The following PROSER3 variants were observed in gnomAD, a reference collection of about 807,000 sequenced individuals.
The protein encoded by PROSER3 is proline and serine-rich protein 3.
PROSER3 carries 33 observed loss-of-function variants against 50.2 expected under a neutral mutation model. That is an observed-to-expected ratio of 0.66 (90% CI 0.50 to 0.88). PROSER3 has a LOEUF of 0.88. PROSER3 is among the 40% of genes least tolerant of loss of function. The pLI is 0.00. For missense variants in PROSER3, 623 were observed against 612.7 expected, an observed-to-expected ratio of 1.02 and a Z score of -0.18; for synonymous variants, 266 against 259.3, an observed-to-expected ratio of 1.03 and a Z score of -0.25.
intron 3 of PROSER3, 60 bp downstream of exon 3, chr19:35,760,051 T>C: frequency 3.5e-6 from 5 of 1,421,048 alleles, no homozygotes; most frequent in Non-Finnish European, 3.8e-6. Flanking sequence ...GGAGAAGGCA[T>C]GCAGTAATAA....
intron 7 of PROSER3, 33 bp from the exon 8 acceptor site, chr19:35,766,735 G>T: frequency 6.6e-7 from 1 of 1,503,834 alleles, no homozygotes; most frequent in Non-Finnish European, 9.0e-7. Flanking sequence ...CCTGGCCCCT[G>T]CCTCACCCTC....
chr19:35,760,497 G>GT (rs889206758), intron 3 of PROSER3, among the ~76,000 whole-genome samples: 5 of 151,912 alleles, frequency 3.3e-5, no homozygotes, highest in Non-Finnish European at 7.4e-5. Context: ...TTTTGTTTTT[G>GT]TTTTTTTGAT....
chr19:35,761,911 G>A, intron 3 of PROSER3, 108 bp from the exon 4 acceptor site: 1 of 1,258,568 alleles, frequency 7.9e-7, no homozygotes, highest in Admixed American at 3.0e-5. Context: ...TTGAGGGATA[G>A]CTACCAGGCT....
At chr19:35,762,455 T>A (rs138979994) in intron 5 of PROSER3, 99 bp downstream of exon 5, 1 of 1,180,726 alleles carries the variant, frequency 8.5e-7, no homozygotes, top group East Asian at 2.6e-5. Flanking sequence ...ACACCTGTAA[T>A]CCCAGCACTT....
intron 2 of PROSER3, 111 bp from the exon 3 acceptor site, chr19:35,759,678 G>A (rs976075009): frequency 8.9e-7 from 1 of 1,125,118 alleles, no homozygotes; most frequent in South Asian, 1.5e-5. Flanking sequence ...TATCATTACA[G>A]GATGTGTTTC....
intron 8 of PROSER3, chr19:35,767,525 G>A (rs1283074197): frequency 4.1e-6 from 2 of 482,780 alleles, no homozygotes; most frequent in African/African-American, 4.0e-5. Flanking sequence ...AAGCAGCTGT[G>A]CCCAGCCTAA....
exon 5 of PROSER3, chr19:35,762,306 A>C (rs1006392783): frequency 6.2e-6 from 10 of 1,611,470 alleles, no homozygotes; most frequent in Non-Finnish European, 8.5e-6. Context: ...TACTGCGGTC[A>C]ACGTGACCAG....
At position 35,767,910 on chromosome 19, in the gene PROSER3, T is replaced by C. The variant is rs780276067; in HGVS notation, c.1064T>C (p.Leu355Pro). The change falls in exon 9 of 11, where the codon CTC (leucine) becomes CCC (proline). Residue 355 changes from leucine (L) to proline (P), a missense_variant. Around this residue, in one of 3 missense-constraint regions of PROSER3, gnomAD observed 380 missense variants for 346.8 expected, o/e 1.10. Coordinates refer to ENST00000396908, the Ensembl canonical transcript of PROSER3. ...GCCTGCCTGCAGCCCGAGGTCCCAC[T>C]CTCTCCAGCTGAGCAGGCAACCACA... The C allele has an allele frequency of 4.5e-5, 72 of 1,612,454 alleles. No individual in the cohort carries two copies. Among genetic ancestry groups the C allele is most frequent in the South Asian group, 1.1e-4 (10 of 91,012 alleles).
intron 5 of PROSER3, 107 bp from the exon 6 acceptor site, chr19:35,764,747 G>C: frequency 1.0e-6 from 1 of 978,290 alleles, no homozygotes. Context: ...AAGCTGGCAT[G>C]TGAGGTTACC....
intron 7 of PROSER3, 31 bp from the exon 8 acceptor site, chr19:35,766,737 C>T (rs1214507401): frequency 6.6e-7 from 1 of 1,510,786 alleles, no homozygotes. Flanking sequence ...TGGCCCCTGC[C>T]TCACCCTCTC....
Position 35,768,423 on chromosome 19 carries a change from TC to T in PROSER3, c.1322del (p.Ser441CysfsTer28). 1.1e-5 allele frequency: 17 copies of T among 1,597,330 alleles called. No homozygotes were observed. Among genetic ancestry groups the T allele is most frequent in the Non-Finnish European group, 1.4e-5 (17 of 1,179,288 alleles). On this transcript the variant is annotated frameshift_variant, in exon 11 of 11. Coordinates refer to ENST00000396908, the Ensembl canonical transcript of PROSER3. LOFTEE classifies it low-confidence loss of function (END_TRUNC). ...CTCCAGGGAAGCGGATGCCCGATTA[TC>T]GTTCCTGTTGGACCAGGCTGAAGAC... is the stretch of plus-strand genomic sequence containing the variant.
exon 5 of PROSER3, chr19:35,762,270 G>A (rs900812491): frequency 6.2e-7 from 1 of 1,611,808 alleles, no homozygotes; most frequent in African/African-American, 1.3e-5. Flanking sequence ...CAACAAACCA[G>A]AAGGAAGACC....
intron 2 of PROSER3, 153 bp from the exon 3 acceptor site, chr19:35,759,636 T>C: frequency 1.0e-6 from 1 of 978,270 alleles, no homozygotes; most frequent in African/African-American, 1.6e-5. Flanking sequence ...CCACCTGGAT[T>C]CCCCATCTGA....
chr19:35,767,643 G>A (rs1418100473), intron 8 of PROSER3: 19 of 919,256 alleles, frequency 2.1e-5, no homozygotes, highest in Non-Finnish European at 3.1e-5. Flanking sequence ...GGTGTCCTGG[G>A]CCAGGTAGTG....
chr19:35,758,929 C>G (rs2146547561), intron 1 of PROSER3: 1 of 159,474 alleles, frequency 6.3e-6, no homozygotes, highest in East Asian at 1.9e-4. Flanking sequence ...TCGGTGTAAT[C>G]CCAAAGTGCT....
At chr19:35,770,353 T>C (rs1289288688), downstream of PROSER3, among the ~76,000 whole-genome samples, 1 of 152,112 alleles carries the variant, frequency 6.6e-6, no homozygotes, top group Non-Finnish European at 1.5e-5. Flanking sequence ...CTTTAAAATC[T>C]ATCCAGAATT....
exon 4 of PROSER3, chr19:35,762,097 T>G: frequency 6.2e-7 from 1 of 1,610,954 alleles, no homozygotes; most frequent in Non-Finnish European, 8.5e-7. Flanking sequence ...CAGCTGACTT[T>G]TGGTGGCTGC....
chr19:35,761,169 TC>T (rs1970943522), intron 3 of PROSER3, among the ~76,000 whole-genome samples: 3 of 152,194 alleles, frequency 2.0e-5, no homozygotes, highest in Admixed American at 2.0e-4. Context: ...AAGAACTTAG[TC>T]ACGTGGTCAC....
intron 5 of PROSER3, chr19:35,762,777 T>TA (rs1971002736): frequency 2.1e-5 from 3 of 142,850 alleles, no homozygotes; most frequent in Admixed American, 7.1e-5. Context: ...CTCATGCCTA[T>TA]AATCCCAGCA....
Sources: gnomAD v4.1 joint callset for allele counts (sites outside exome capture counted in the v4.1 genomes callset) on GRCh38, gnomAD v4.1.1 for gene constraint, gnomAD v4.1.1 regional missense constraint, MANE v1.5 for transcripts, NCBI Gene and HGNC (gene_info 2026-07-23, HGNC 2026-07-21) for gene names.